Variants in PTGR3 observed in about 807,000 individuals in gnomAD.
PTGR3 encodes the protein zinc binding alcohol dehydrogenase domain containing 2.
the PTGR3 span, among the ~76,000 whole-genome samples, chr18:75,202,917 C>T: frequency 6.6e-6 from 1 of 152,186 alleles, no homozygotes; most frequent in African/African-American, 2.4e-5. Context: ...TCACTGGTTG[C>T]TACATGTTCC....
chr18:75,208,730 G>T, the PTGR3 span: 1 of 1,028,648 alleles, frequency 9.7e-7, no homozygotes, highest in Non-Finnish European at 1.2e-6. Context: ...CTCAGGCTGT[G>T]CGCCCGAGCG....
At chr18:75,207,270 T>A in the PTGR3 span, among the ~76,000 whole-genome samples, 3 of 152,354 alleles carry the variant, frequency 2.0e-5, no homozygotes, top group Admixed American at 6.5e-5. Context: ...TCACAAACTT[T>A]TGTGTGTGTT....
At chr18:75,206,182 A>T in the PTGR3 span, among the ~76,000 whole-genome samples, 1 of 152,160 alleles carries the variant, frequency 6.6e-6, no homozygotes, top group Non-Finnish European at 1.5e-5. Flanking sequence ...TTCTATAGGG[A>T]TTTTATATGC....
the PTGR3 span, among the ~76,000 whole-genome samples, chr18:75,205,749 AAAAG>A: frequency 4.0e-5 from 6 of 151,498 alleles, no homozygotes; most frequent in Admixed American, 2.0e-4. Flanking sequence ...AAAGAAAAGA[AAAAG>A]AAAGAAAGAA....
chr18:75,201,873 G>T, the PTGR3 span: 4 of 1,614,116 alleles, frequency 2.5e-6, no homozygotes, highest in South Asian at 4.4e-5. Flanking sequence ...TACGGGTTCA[G>T]TTTTATAGTT....
the PTGR3 span, chr18:75,201,650 T>G: frequency 6.2e-7 from 1 of 1,614,206 alleles, no homozygotes; most frequent in Non-Finnish European, 8.5e-7. Flanking sequence ...AGAAGCCCTG[T>G]ACGCTGGCAG....
the PTGR3 span, among the ~76,000 whole-genome samples, chr18:75,205,933 C>G: frequency 1.3e-5 from 2 of 152,120 alleles, no homozygotes; most frequent in Non-Finnish European, 2.9e-5. Flanking sequence ...TTCCTACAAA[C>G]TCTTTGCTCC....
At chr18:75,201,596 G>A in the PTGR3 span, 2 of 1,614,182 alleles carry the variant, frequency 1.2e-6, no homozygotes, top group South Asian at 1.1e-5. Flanking sequence ...TCTCGAGCAA[G>A]TGGCTCATGG....
the PTGR3 span, chr18:75,202,246 C>T: frequency 6.2e-7 from 1 of 1,614,144 alleles, no homozygotes; most frequent in Non-Finnish European, 8.5e-7. Flanking sequence ...ACCACCTCCC[C>T]AATGCCTTCG....
chr18:75,208,841 C>A, the PTGR3 span: 4 of 1,488,172 alleles, frequency 2.7e-6, no homozygotes, highest in Non-Finnish European at 3.6e-6. Context: ...TGGGGGGCGC[C>A]GGGCTCACCG....
the PTGR3 span, among the ~76,000 whole-genome samples, chr18:75,205,884 T>C: frequency 6.6e-6 from 1 of 152,050 alleles, no homozygotes; most frequent in East Asian, 1.9e-4. Context: ...AAACCGTTTA[T>C]CAAAAACGCC....
chr18:75,207,150 T>G, the PTGR3 span, among the ~76,000 whole-genome samples: 1 of 152,230 alleles, frequency 6.6e-6, no homozygotes, highest in Admixed American at 6.5e-5. Flanking sequence ...CAAAGGCAGG[T>G]GGTCCCACCA....
the PTGR3 span, chr18:75,208,943 G>T: frequency 2.5e-6 from 4 of 1,591,358 alleles, no homozygotes; most frequent in South Asian, 4.6e-5. Context: ...GCTCAGCCGG[G>T]TCACCACCAG....
the PTGR3 span, chr18:75,200,854 TAAC>T: frequency 3.3e-5 from 5 of 152,318 alleles, no homozygotes; most frequent in Admixed American, 3.3e-4. Context: ...ATTTTTCTAA[TAAC>T]AAAATCAAAT....
At chr18:75,201,607 C>A in the PTGR3 span, 1 of 1,614,194 alleles carries the variant, frequency 6.2e-7, no homozygotes, top group Non-Finnish European at 8.5e-7. Flanking sequence ...TGGCTCATGG[C>A]TGCTTGATAC....
the PTGR3 span, among the ~76,000 whole-genome samples, chr18:75,206,897 C>T: frequency 3.3e-4 from 51 of 152,342 alleles, no homozygotes; most frequent in Non-Finnish European, 5.0e-4. Context: ...CTGTCTCCCG[C>T]CCCAGGACCA....
At chr18:75,208,928 T>C in the PTGR3 span, 10 of 1,584,462 alleles carry the variant, frequency 6.3e-6, no homozygotes, top group South Asian at 1.2e-5. Flanking sequence ...CTCGCGGAAG[T>C]TGGGGCTCAG....
the PTGR3 span, chr18:75,202,453 T>A: frequency 3.3e-6 from 3 of 900,922 alleles, no homozygotes; most frequent in Non-Finnish European, 5.0e-6. Flanking sequence ...TGCTAAGCTA[T>A]ACAATCTGAT....
At chr18:75,207,579 A>G in the PTGR3 span, among the ~76,000 whole-genome samples, 1 of 151,974 alleles carries the variant, frequency 6.6e-6, no homozygotes, top group East Asian at 1.9e-4. Context: ...GGATCCCTAC[A>G]CACTCCCCTT....
Sources: allele counts gnomAD v4.1 joint callset (sites outside exome capture counted in the v4.1 genomes callset), GRCh38; gene constraint gnomAD v4.1.1; transcripts MANE v1.5; gene names NCBI Gene and HGNC (gene_info 2026-07-23, HGNC 2026-07-21).